The following RAD51B variants were observed in gnomAD, a reference collection of about 807,000 sequenced individuals.
The protein encoded by RAD51B is DNA repair protein RAD51 homolog 2.
RAD51B carries 38 observed loss-of-function variants against 42.2 expected under a neutral mutation model. The observed-to-expected ratio is 0.90, with a 90% confidence interval of 0.70 to 1.18. The LOEUF is 1.18. Among genes scored for constraint, RAD51B ranks in the 50% most tolerant of loss-of-function variants. The probability of loss-of-function intolerance (pLI) is 0.00; values close to 1 mark genes in which losing one functional copy is unlikely to be tolerated. For synonymous variants in RAD51B, 154 were observed against 145.2 expected (o/e 1.06, Z -0.43); for missense variants, 373 against 400.7 (o/e 0.93, Z 0.59).
intron 8 of RAD51B, among the ~76,000 whole-genome samples, chr14:68,294,626 T>G (rs1036886808): frequency 6.6e-6 from 1 of 152,230 alleles, no homozygotes; most frequent in South Asian, 2.1e-4. Context: ...ACAAGATTGC[T>G]AAAGTGTTTT....
intron 7 of RAD51B, among the ~76,000 whole-genome samples, chr14:67,961,381 G>T (rs957634923): frequency 3.3e-5 from 5 of 152,138 alleles, no homozygotes; most frequent in Non-Finnish European, 1.5e-5. Context: ...TGAAACAGAA[G>T]AACAAAATTG....
At chr14:68,039,221 A>G (rs1429776933) in intron 7 of RAD51B, among the ~76,000 whole-genome samples, 1 of 152,140 alleles carries the variant, frequency 6.6e-6, no homozygotes, top group Non-Finnish European at 1.5e-5. Context: ...CAAGGTCAGG[A>G]GATCGAGAAC....
chr14:68,120,052 C>T (rs1317639088), intron 7 of RAD51B, among the ~76,000 whole-genome samples: 3 of 152,142 alleles, frequency 2.0e-5, no homozygotes, highest in Non-Finnish European at 4.4e-5. Context: ...TTTTGATTTG[C>T]ATTTCTCTGA....
At chr14:67,845,155 G>A (rs4899226) in intron 4 of RAD51B, among the ~76,000 whole-genome samples, 9,792 of 152,164 alleles carry the variant, frequency 0.064, 707 homozygotes, top group African/African-American at 0.18. Flanking sequence ...GTTGTTAGCC[G>A]GTTATTATGC....
chr14:68,389,203 G>A (rs1369648985), intron 8 of RAD51B, among the ~76,000 whole-genome samples: 4 of 152,154 alleles, frequency 2.6e-5, no homozygotes, highest in Non-Finnish European at 5.9e-5. Context: ...GAGCACACAT[G>A]TAACCAGCAC....
Position 68,290,782 on chromosome 14 carries a change from TTTTA to T in RAD51B, c.757-1090_757-1087del, listed in dbSNP as rs754412783. Among the ~76,000 whole-genome samples, 1,287 of 136,604 alleles carry T rather than the reference TTTTA, an allele frequency of 9.4e-3. 9 individuals are homozygous for T. The highest frequency in any genetic ancestry group is 0.015 in the Non-Finnish European group (925 of 63,376). 89.6% of individuals were successfully genotyped at this position (136,604 alleles called of 152,430 possible). The stretch of plus-strand genomic sequence containing the variant: ...AGAAGCCACAGGCATCCAAATTTTA[TTTTA>T]TTTATTTATTTTTATTTATTTATTT... On this transcript the variant is annotated intron_variant, in intron 7 of 10. Coordinates refer to ENST00000471583, the MANE Select transcript of RAD51B (RefSeq NM_133510.4).
At chr14:68,239,277 CTCAAGGTG>C (rs998089683) in intron 7 of RAD51B, among the ~76,000 whole-genome samples, 31 of 152,210 alleles carry the variant, frequency 2.0e-4, no homozygotes, top group African/African-American at 7.5e-4. Context: ...GACTCCCTTT[CTCAAGGTG>C]TCACCAATAC....
intron 10 of RAD51B, among the ~76,000 whole-genome samples, chr14:68,475,078 A>G (rs1882446431): frequency 1.3e-5 from 2 of 152,204 alleles, no homozygotes. Flanking sequence ...CATGAGATAG[A>G]GAATGGTGGT....
At chr14:68,326,027 CTTTTTCTTTTCTTTTTT>C (rs1185097749) in intron 8 of RAD51B, among the ~76,000 whole-genome samples, 10 of 51,636 alleles carry the variant, frequency 1.9e-4, no homozygotes, top group Non-Finnish European at 3.8e-4. Flanking sequence ...TGTTGTTATT[CTTTTTCTTTTCTTTTTT>C]TTTTTTTTTT....
chr14:68,546,592 T>C (rs1477969942), intron 10 of RAD51B, among the ~76,000 whole-genome samples: 2 of 152,116 alleles, frequency 1.3e-5, no homozygotes, highest in Non-Finnish European at 2.9e-5. Flanking sequence ...CACAGGCTTT[T>C]GGTGATAAAC....
intron 7 of RAD51B, among the ~76,000 whole-genome samples, chr14:67,942,607 A>G (rs370172901): frequency 5.3e-5 from 8 of 152,200 alleles, no homozygotes; most frequent in African/African-American, 1.9e-4. Flanking sequence ...ATTGAGAAAT[A>G]TGGTGGCAGA....
intron 8 of RAD51B, among the ~76,000 whole-genome samples, chr14:68,360,832 T>G (rs1186767090): frequency 6.6e-6 from 1 of 152,154 alleles, no homozygotes; most frequent in East Asian, 1.9e-4. Flanking sequence ...TGAGGAAGAA[T>G]GGGCAGCTGT....
chr14:68,119,250 G>A (rs1441122803), intron 7 of RAD51B, among the ~76,000 whole-genome samples: 3 of 148,248 alleles, frequency 2.0e-5, no homozygotes, highest in Admixed American at 1.3e-4. Context: ...CCAGGCTGCA[G>A]TTCTTGATGT....
chr14:68,115,472 C>G (rs547206979), intron 7 of RAD51B, among the ~76,000 whole-genome samples: 6 of 128,648 alleles, frequency 4.7e-5, no homozygotes, highest in East Asian at 2.3e-4. Context: ...GTGCAGCGCA[C>G]CAGCATGGCA....
chr14:68,639,732 C>A (rs1319276085), intron 10 of RAD51B, among the ~76,000 whole-genome samples: 2 of 152,038 alleles, frequency 1.3e-5, no homozygotes, highest in Non-Finnish European at 2.9e-5. Context: ...TGCCATAAGG[C>A]CTGTGGGAGA....
intron 7 of RAD51B, among the ~76,000 whole-genome samples, chr14:67,989,756 C>T (rs750137037): frequency 3.3e-5 from 5 of 151,694 alleles, no homozygotes; most frequent in African/African-American, 4.8e-5. Context: ...AACTTTCATT[C>T]GGAATTTCCT....
rs545304302 is a variant in RAD51B, at chr14:68,449,912, G to A, written c.958-18260G>A. On this transcript the variant is annotated intron_variant, in intron 9 of 10. Transcript: ENST00000471583. Reference sequence around the variant, plus strand: ...TGAATATTGAAGAAAACTCATGTGGGCTCTTGTCTTTGTGATAAAAGCTTC... The same window carrying A: ...TGAATATTGAAGAAAACTCATGTGGACTCTTGTCTTTGTGATAAAAGCTTC... Among the ~76,000 whole-genome samples the A allele has an allele frequency of 3.3e-5, 5 of 152,234 alleles. No homozygotes were observed. In the South Asian group the frequency reaches 1.0e-3, roughly 32 times the overall value.
At chr14:68,538,091 C>A (rs527428345) in intron 10 of RAD51B, among the ~76,000 whole-genome samples, 2 of 152,346 alleles carry the variant, frequency 1.3e-5, no homozygotes, top group African/African-American at 4.8e-5. Context: ...AAGAGCCTAA[C>A]TCTGGCTCTT....
At chr14:68,176,283 G>T (rs1486575983) in intron 7 of RAD51B, among the ~76,000 whole-genome samples, 1 of 152,152 alleles carries the variant, frequency 6.6e-6, no homozygotes, top group Non-Finnish European at 1.5e-5. Flanking sequence ...GCACAGAGAG[G>T]TTAAGAAACT....
Sources: gnomAD v4.1 joint callset for allele counts (sites outside exome capture counted in the v4.1 genomes callset) on GRCh38, gnomAD v4.1.1 for gene constraint, MANE v1.5 for transcripts, NCBI Gene and HGNC (gene_info 2026-07-23, HGNC 2026-07-21) for gene names.